The following PRELID2 variants were observed in gnomAD, a reference collection of about 807,000 sequenced individuals.
The protein encoded by PRELID2 is PRELI domain-containing protein 2.
PRELID2 carries 25 observed loss-of-function variants against 28.4 expected under a neutral mutation model. That is an observed-to-expected ratio of 0.88 (90% CI 0.64 to 1.23). The LOEUF is 1.23. Among genes scored for constraint, PRELID2 ranks in the 50% most tolerant of loss-of-function variants. The probability of loss-of-function intolerance (pLI) is 0.00; values close to 1 mark genes in which losing one functional copy is unlikely to be tolerated. For missense variants in PRELID2, 201 were observed against 214.4 expected (o/e 0.94, Z 0.39); for synonymous variants, 76 against 71.6 (o/e 1.06, Z -0.31).
chr5:145,353,151 C>T, the PRELID2 span, among the ~76,000 whole-genome samples: 4 of 152,170 alleles, frequency 2.6e-5, no homozygotes, highest in Non-Finnish European at 5.9e-5. Flanking sequence ...AGTCCATTCT[C>T]ATGCTGCTAT....
the PRELID2 span, among the ~76,000 whole-genome samples, chr5:145,381,250 G>A: frequency 6.6e-6 from 1 of 152,096 alleles, no homozygotes; most frequent in Non-Finnish European, 1.5e-5. Context: ...TGAAACTCAA[G>A]CAAAATGATG....
At chr5:145,375,506 G>A in the PRELID2 span, among the ~76,000 whole-genome samples, 2 of 152,132 alleles carry the variant, frequency 1.3e-5, no homozygotes, top group African/African-American at 2.4e-5. Context: ...CCTTGGTGGA[G>A]AGGGTGTGCT....
chr5:145,442,657 T>C, the PRELID2 span, among the ~76,000 whole-genome samples: 2 of 151,992 alleles, frequency 1.3e-5, no homozygotes, highest in African/African-American at 4.8e-5. Context: ...GTGAGATGGT[T>C]GCATGGGGAT....
the PRELID2 span, among the ~76,000 whole-genome samples, chr5:145,401,677 A>G: frequency 3.9e-5 from 6 of 152,180 alleles, no homozygotes; most frequent in African/African-American, 1.4e-4. Flanking sequence ...CAGATGAGAC[A>G]CTTTGGTCAA....
At chr5:145,587,559 A>C (rs1753170956) in intron 1 of PRELID2, among the ~76,000 whole-genome samples, 1 of 152,178 alleles carries the variant, frequency 6.6e-6, no homozygotes, top group Admixed American at 6.6e-5. Context: ...TAGAGAACCT[A>C]GTCCTAATGA....
chr5:145,546,975 C>A (rs773532610), intron 1 of PRELID2, among the ~76,000 whole-genome samples: 14 of 152,120 alleles, frequency 9.2e-5, no homozygotes, highest in Non-Finnish European at 1.8e-4. Context: ...GTAATACCTA[C>A]CTCAGAGGCT....
intron 1 of PRELID2, among the ~76,000 whole-genome samples, chr5:145,827,693 A>G (rs1440621021): frequency 6.6e-6 from 1 of 152,250 alleles, no homozygotes; most frequent in African/African-American, 2.4e-5. Context: ...CACAACATCA[A>G]ATGTATGCAT....
intron 1 of PRELID2, among the ~76,000 whole-genome samples, chr5:145,735,828 A>G (rs1206963600): frequency 6.6e-6 from 1 of 152,192 alleles, no homozygotes; most frequent in Non-Finnish European, 1.5e-5. Context: ...AGCACCCTCT[A>G]CAGATGTAAG....
In PRELID2 at chr5:145,756,682, CA is replaced by C. The variant is rs895092032; in HGVS notation, c.*3853del. On this transcript the variant is annotated 3_prime_UTR_variant, in exon 7 of 7. Transcript: ENST00000683046. ...GAGAGTTGAGCCACTGAAATAATGTCACCAAGTCAATGTAGCAAAGTACATT... is the reference window on the plus strand; with the variant it reads ...GAGAGTTGAGCCACTGAAATAATGTCCCAAGTCAATGTAGCAAAGTACATT... 6.6e-6 allele frequency among the ~76,000 whole-genome samples: 1 copy of C among 152,158 alleles called. No homozygotes were observed.
chr5:145,615,673 A>G (rs1264065886), intron 1 of PRELID2, among the ~76,000 whole-genome samples: 3 of 152,128 alleles, frequency 2.0e-5, no homozygotes, highest in Non-Finnish European at 2.9e-5. Flanking sequence ...ATTCTTATCC[A>G]TTCTGCAGTT....
chr5:145,780,736 T>C (rs1454173582), intron 5 of PRELID2, among the ~76,000 whole-genome samples: 1 of 152,202 alleles, frequency 6.6e-6, no homozygotes, highest in African/African-American at 2.4e-5. Flanking sequence ...TATTAACAAA[T>C]GTTAATGTCT....
the PRELID2 span, among the ~76,000 whole-genome samples, chr5:145,389,598 A>G: frequency 6.6e-6 from 1 of 152,210 alleles, no homozygotes; most frequent in African/African-American, 2.4e-5. Context: ...TATTTAACAT[A>G]AAATACAGTA....
At chr5:145,357,765 G>A in the PRELID2 span, among the ~76,000 whole-genome samples, 2 of 151,900 alleles carry the variant, frequency 1.3e-5, no homozygotes, top group East Asian at 3.9e-4. Flanking sequence ...TTTTATCCTG[G>A]TTAAGAACCA....
chr5:145,396,902 T>C, the PRELID2 span, among the ~76,000 whole-genome samples: 2 of 151,930 alleles, frequency 1.3e-5, no homozygotes, highest in African/African-American at 4.8e-5. Context: ...AACCACATGG[T>C]CCAGCTAAAG....
At chr5:145,520,240 T>C (rs1752552499) in intron 1 of PRELID2, among the ~76,000 whole-genome samples, 1 of 152,226 alleles carries the variant, frequency 6.6e-6, no homozygotes, top group Non-Finnish European at 1.5e-5. Flanking sequence ...GCATTTCCCC[T>C]GAAGTGTCTA....
intron 1 of PRELID2, among the ~76,000 whole-genome samples, chr5:145,614,823 T>C (rs1753671027): frequency 6.6e-6 from 1 of 152,210 alleles, no homozygotes; most frequent in Non-Finnish European, 1.5e-5. Context: ...CCTTTATTTC[T>C]TTCTCTTGTC....
At chr5:145,633,718 A>C (rs1035600410) in intron 1 of PRELID2, among the ~76,000 whole-genome samples, 8 of 152,146 alleles carry the variant, frequency 5.3e-5, no homozygotes, top group Non-Finnish European at 1.0e-4. Flanking sequence ...CAGCCGCCCT[A>C]CTTGTGTTTC....
At chr5:145,650,626 C>A in intron 1 of PRELID2, among the ~76,000 whole-genome samples, 1 of 136,084 alleles carries the variant, frequency 7.3e-6, no homozygotes, top group Non-Finnish European at 1.5e-5. Context: ...GTCATTTTCA[C>A]ACAATATAAC....
At chr5:145,662,630 A>G (rs1029623468) in intron 1 of PRELID2, among the ~76,000 whole-genome samples, 1 of 152,082 alleles carries the variant, frequency 6.6e-6, no homozygotes, top group Non-Finnish European at 1.5e-5. Flanking sequence ...TTATGGATTA[A>G]TGGGTTAATG....
Sources: gnomAD v4.1 joint callset for allele counts (sites outside exome capture counted in the v4.1 genomes callset) on GRCh38, gnomAD v4.1.1 for gene constraint, MANE v1.5 for transcripts, NCBI Gene and HGNC (gene_info 2026-07-23, HGNC 2026-07-21) for gene names.